The following PDE4D variants were observed in gnomAD, a reference collection of about 807,000 sequenced individuals.
PDE4D encodes the protein 3',5'-cyclic-AMP phosphodiesterase 4D.
In PDE4D, 24 loss-of-function variants were observed where a neutral mutation model predicts 87.4. That is an observed-to-expected ratio of 0.27 (90% confidence interval 0.20 to 0.39). PDE4D has a LOEUF of 0.39. Among genes scored for constraint, PDE4D ranks in the 10% least tolerant of loss-of-function variants. PDE4D has a pLI of 1.00. For synonymous variants in PDE4D, 384 were observed against 383.2 expected (o/e 1.00, Z -0.02); for missense variants, 714 against 1,041.0 (o/e 0.69, Z 4.32).
rs371767969 is a variant in PDE4D at position 59,710,315 on chromosome 5, C to T, written c.455+182853G>A. Among the ~76,000 whole-genome samples, 8 of 152,178 alleles carry T rather than the reference C, an allele frequency of 5.3e-5. No individual in the cohort carries two copies. The East Asian group carries it at 9.7e-4, about 18-fold the overall frequency. ...CATGAGAGGCAGGAAAGCAAGAAAG[C>T]CTTTGTATAAAATATGGTGAAAGAA... On this transcript the variant is annotated intron_variant, in intron 1 of 14. Transcript: ENST00000340635.
chr5:60,375,612 C>T (rs993163502), intron 1 of PDE4D, among the ~76,000 whole-genome samples: 1 of 152,140 alleles, frequency 6.6e-6, no homozygotes, highest in Non-Finnish European at 1.5e-5. Context: ...GGATAAATTA[C>T]AAAAGGAGTC....
At chr5:60,370,823 G>A (rs546675415) in intron 1 of PDE4D, among the ~76,000 whole-genome samples, 1 of 152,068 alleles carries the variant, frequency 6.6e-6, no homozygotes, top group Admixed American at 6.6e-5. Flanking sequence ...GAGGGAGAGA[G>A]AAAATGAGAG....
intron 1 of PDE4D, among the ~76,000 whole-genome samples, chr5:60,192,653 C>A (rs1309836979): frequency 4.6e-5 from 7 of 151,976 alleles, no homozygotes; most frequent in Non-Finnish European, 7.4e-5. Context: ...GTGAAAAAGG[C>A]AGGATTAAAG....
chr5:59,021,120 G>C (rs1044280369), intron 6 of PDE4D, among the ~76,000 whole-genome samples: 2 of 152,142 alleles, frequency 1.3e-5, no homozygotes, highest in South Asian at 2.1e-4. Flanking sequence ...TCCAGGGTGA[G>C]AGAAAAGCAA....
chr5:59,158,781 G>T lies in PDE4D; in HGVS notation c.808+21814C>A, dbSNP rs545856927. On this transcript the variant is annotated intron_variant, in intron 5 of 14. Coordinates refer to ENST00000340635, the MANE Select transcript of PDE4D (RefSeq NM_001104631.2). ...TACACAGAGAGCTAGGCAGAGCTGG[G>T]ATTATACCCCTGGTCTTAAAACCCT... is the stretch of plus-strand genomic sequence containing the variant. 1.1e-4 allele frequency among the ~76,000 whole-genome samples: 17 copies of T among 152,304 alleles called. No individual in the cohort carries two copies. The East Asian group carries it at 3.1e-3, about 28-fold the overall frequency.
intron 1 of PDE4D, among the ~76,000 whole-genome samples, chr5:60,207,230 T>C (rs1742648734): frequency 6.6e-6 from 1 of 152,212 alleles, no homozygotes; most frequent in Non-Finnish European, 1.5e-5. Flanking sequence ...GAGAAACTTC[T>C]TGACTAGAGC....
chr5:59,535,078 G>C (rs112448452), intron 1 of PDE4D, among the ~76,000 whole-genome samples: 8 of 72,432 alleles, frequency 1.1e-4, no homozygotes, highest in South Asian at 4.2e-4. Flanking sequence ...TGTGTGTGTG[G>C]GGGGGGGGTC....
chr5:59,972,635 T>A (rs1003562718), intron 3 of PDE4D, among the ~76,000 whole-genome samples: 4 of 152,156 alleles, frequency 2.6e-5, no homozygotes, highest in Non-Finnish European at 5.9e-5. Flanking sequence ...CTCCAGGAAA[T>A]GTTTGCTTTT....
At chr5:59,715,139 G>A (rs1754812538) in intron 1 of PDE4D, among the ~76,000 whole-genome samples, 1 of 152,138 alleles carries the variant, frequency 6.6e-6, no homozygotes, top group South Asian at 2.1e-4. Context: ...GTGTAGACGA[G>A]TTACCTGATA....
At chr5:59,952,196 C>T (rs1758363302) in intron 3 of PDE4D, among the ~76,000 whole-genome samples, 1 of 152,118 alleles carries the variant, frequency 6.6e-6, no homozygotes, top group Admixed American at 6.5e-5. Flanking sequence ...ATGCCTCTTC[C>T]CCTTCCTCCA....
At chr5:60,150,868 A>G (rs939938367) in intron 2 of PDE4D, among the ~76,000 whole-genome samples, 1 of 152,148 alleles carries the variant, frequency 6.6e-6, no homozygotes, top group African/African-American at 2.4e-5. Flanking sequence ...GTCTCTACAC[A>G]TGTCAGTAAA....
chr5:60,488,330 T>C (rs1000642763), upstream of PDE4D: 1 of 151,806 alleles, frequency 6.6e-6, no homozygotes, highest in African/African-American at 2.4e-5. Flanking sequence ...TGGAGCAAGG[T>C]CTCTTCCCGG....
intron 1 of PDE4D, among the ~76,000 whole-genome samples, chr5:60,332,443 G>A (rs772871448): frequency 6.6e-6 from 1 of 152,104 alleles, no homozygotes; most frequent in Non-Finnish European, 1.5e-5. Flanking sequence ...TGGGACATTT[G>A]GTTTTCTGTT....
chr5:60,142,168 A>T (rs1780586940), intron 2 of PDE4D, among the ~76,000 whole-genome samples: 2 of 145,098 alleles, frequency 1.4e-5, no homozygotes, highest in Non-Finnish European at 3.0e-5. Context: ...TTACAAAGTT[A>T]TAATGGACAA....
chr5:59,559,818 C>T (rs183287812), intron 1 of PDE4D, among the ~76,000 whole-genome samples: 10 of 152,290 alleles, frequency 6.6e-5, no homozygotes, highest in Admixed American at 1.3e-4. Flanking sequence ...ACGACATCAT[C>T]AAGGATCAAT....
intron 3 of PDE4D, among the ~76,000 whole-genome samples, chr5:59,912,719 G>T (rs1294767065): frequency 1.3e-5 from 2 of 152,076 alleles, no homozygotes; most frequent in African/African-American, 4.8e-5. Flanking sequence ...TAATTATTGA[G>T]CACCAACTAA....
chr5:59,028,129 A>G (rs1476355384), intron 6 of PDE4D, among the ~76,000 whole-genome samples: 1 of 152,146 alleles, frequency 6.6e-6, no homozygotes, highest in Non-Finnish European at 1.5e-5. Context: ...TCTGCTAGAA[A>G]AAGCTCAGAG....
chr5:59,006,583 A>C (rs1170748166), intron 6 of PDE4D, among the ~76,000 whole-genome samples: 4 of 149,194 alleles, frequency 2.7e-5, no homozygotes, highest in Non-Finnish European at 6.0e-5. Flanking sequence ...CCTTGTCTCA[A>C]AAAAGAAAAA....
intron 1 of PDE4D, among the ~76,000 whole-genome samples, chr5:60,300,486 C>T (rs970181065): frequency 6.6e-6 from 1 of 152,094 alleles, no homozygotes; most frequent in Non-Finnish European, 1.5e-5. Flanking sequence ...TACCTATGTC[C>T]TGAATGGTAA....
Sources: gnomAD v4.1 joint callset for allele counts (sites outside exome capture counted in the v4.1 genomes callset) on GRCh38, gnomAD v4.1.1 for gene constraint, MANE v1.5 for transcripts, NCBI Gene and HGNC (gene_info 2026-07-23, HGNC 2026-07-21) for gene names.